Variants in MCPH1 observed in about 807,000 individuals in gnomAD.
MCPH1 encodes the protein microcephalin.
Under a neutral mutation model 84.5 loss-of-function variants are expected in MCPH1, and 104 were observed. That is an observed-to-expected ratio of 1.23 (90% CI 1.05 to 1.45). The LOEUF (loss-of-function observed/expected upper bound fraction) is 1.45. MCPH1 is among the 40% of genes most tolerant of loss of function. The pLI is 0.00. For synonymous variants in MCPH1, 514 were observed against 366.8 expected (o/e 1.40, Z -4.58); for missense variants, 1,498 against 1,005.7 (o/e 1.49, Z -6.62).
At chr8:6,466,945 C>G (rs919307823) in intron 9 of MCPH1, among the ~76,000 whole-genome samples, 1 of 152,140 alleles carries the variant, frequency 6.6e-6, no homozygotes, top group Non-Finnish European at 1.5e-5. Context: ...AAGTTATTGC[C>G]TTCCAAATAA....
intron 3 of MCPH1, among the ~76,000 whole-genome samples, chr8:6,425,772 C>T (rs1032378661): frequency 1.3e-5 from 2 of 152,152 alleles, no homozygotes; most frequent in Admixed American, 1.3e-4. Flanking sequence ...CTGTGTTGTG[C>T]AATAGGAGGC....
chr8:6,519,155 C>T (rs944225468), intron 12 of MCPH1, among the ~76,000 whole-genome samples: 4 of 152,242 alleles, frequency 2.6e-5, no homozygotes, highest in Non-Finnish European at 4.4e-5. Context: ...TTCCAGACTG[C>T]GTTAGATGAG....
At chr8:6,533,368 C>T (rs1819894814) in intron 12 of MCPH1, among the ~76,000 whole-genome samples, 1 of 152,122 alleles carries the variant, frequency 6.6e-6, no homozygotes, top group South Asian at 2.1e-4. Context: ...GTGGGAAGAG[C>T]CTTTGGGCTT....
chr8:6,428,642 C>T (rs565912167), intron 3 of MCPH1, among the ~76,000 whole-genome samples: 36 of 152,320 alleles, frequency 2.4e-4, no homozygotes, highest in Middle Eastern at 3.4e-3. Context: ...TGGCTTCTTT[C>T]TCTTAGCATA....
chr8:6,585,235 C>G (rs564936715), intron 12 of MCPH1, among the ~76,000 whole-genome samples: 2 of 152,206 alleles, frequency 1.3e-5, no homozygotes, highest in African/African-American at 2.4e-5. Context: ...GAGCTGGGGT[C>G]TCACTAGTGC....
intron 12 of MCPH1, among the ~76,000 whole-genome samples, chr8:6,565,920 C>T (rs962148291): frequency 6.6e-6 from 1 of 152,152 alleles, no homozygotes; most frequent in African/African-American, 2.4e-5. Flanking sequence ...TTTGTAGATT[C>T]CTAAATGGAA....
chr8:6,549,530 A>G (rs1471040609), intron 12 of MCPH1, among the ~76,000 whole-genome samples: 1 of 151,934 alleles, frequency 6.6e-6, no homozygotes, highest in African/African-American at 2.4e-5. Flanking sequence ...GTCATTACAC[A>G]GGTGCGCACA....
intron 5 of MCPH1, among the ~76,000 whole-genome samples, chr8:6,436,590 G>T (rs887734153): frequency 7.3e-5 from 11 of 151,586 alleles, no homozygotes; most frequent in African/African-American, 2.7e-4. Flanking sequence ...AAATACTTTA[G>T]AATATTATGT....
Position 6,521,284 on chromosome 8 carries a change from T to C in MCPH1, c.2214+21355T>C, listed in dbSNP as rs201190442. ...TCACCGTGGCAGTCACTATTTTTTT[T>C]TCTAGTTCTTCAATGATGGAATTTT... On this transcript the variant is annotated intron_variant, in intron 12 of 13. Transcript: ENST00000344683. 206 of 1,613,826 alleles carry C rather than the reference T, an allele frequency of 1.3e-4. 1 individual carries two copies. The highest frequency in any genetic ancestry group is 1.6e-4 in the Non-Finnish European group (190 of 1,179,948).
At position 6,478,117 on chromosome 8, in the gene MCPH1, A is replaced by G. The variant is rs994468798; in HGVS notation, c.1973+486A>G. On this transcript the variant is annotated intron_variant, in intron 10 of 13. Transcript: ENST00000344683. ...AAAAATACAGTGCTATATTCTTTGC[A>G]ACAGATTTTTGAATTCCTGTTTAAA... 3.7e-4 allele frequency among the ~76,000 whole-genome samples: 56 copies of G among 152,346 alleles called. 1 individual carries two copies. Among genetic ancestry groups the G allele is most frequent in the African/African-American group, 1.3e-3 (53 of 41,580 alleles).
chr8:6,532,850 G>A (rs1053723742), intron 12 of MCPH1, among the ~76,000 whole-genome samples: 2 of 152,194 alleles, frequency 1.3e-5, no homozygotes, highest in Non-Finnish European at 2.9e-5. Context: ...CTACCCAGCT[G>A]CAACTCTGAC....
At chr8:6,610,077 G>C (rs564618403) in intron 12 of MCPH1, among the ~76,000 whole-genome samples, 1 of 152,190 alleles carries the variant, frequency 6.6e-6, no homozygotes, top group African/African-American at 2.4e-5. Context: ...AGAGCCGTAA[G>C]GACCCTCTAA....
At chr8:6,441,939 C>T in intron 6 of MCPH1, 128 bp from the exon 7 acceptor site, 1 of 685,684 alleles carries the variant, frequency 1.5e-6, no homozygotes, top group Non-Finnish European at 2.6e-6. Context: ...ACTTTAAGAT[C>T]CCTTCTAACT....
Position 6,430,253 on chromosome 8 carries a change from A to C in MCPH1, c.234-1246A>C, listed in dbSNP as rs768208930. Among the ~76,000 whole-genome samples the C allele has an allele frequency of 6.6e-5, 10 of 152,248 alleles. No individual in the cohort carries two copies. The South Asian group carries it at 1.2e-3, about 19-fold the overall frequency. ...TTTTTAAATTTGTACATTTTTGCAG[A>C]TTTCTCTGATGCCTGGCTTAATAGA... On this transcript the variant is annotated intron_variant, in intron 3 of 13. Transcript: ENST00000344683.
At chr8:6,430,782 G>T (rs1801728915) in intron 3 of MCPH1, among the ~76,000 whole-genome samples, 1 of 152,166 alleles carries the variant, frequency 6.6e-6, no homozygotes, top group African/African-American at 2.4e-5. Context: ...TTTTATCTAG[G>T]TTGGGAAGAA....
At chr8:6,421,703 T>C (rs11994936) in intron 3 of MCPH1, among the ~76,000 whole-genome samples, 5,891 of 152,308 alleles carry the variant, frequency 0.039, 321 homozygotes, top group African/African-American at 0.13. Flanking sequence ...TTGGATCCTG[T>C]GGCAGAGACC....
chr8:6,468,415 C>G (rs1807267074), intron 9 of MCPH1, among the ~76,000 whole-genome samples: 1 of 152,110 alleles, frequency 6.6e-6, no homozygotes, highest in South Asian at 2.1e-4. Flanking sequence ...CCTGGCCAGC[C>G]CCTCTTCTTG....
chr8:6,592,775 C>A (rs569849682), intron 12 of MCPH1, among the ~76,000 whole-genome samples: 1 of 151,432 alleles, frequency 6.6e-6, no homozygotes, highest in Admixed American at 6.6e-5. Context: ...CAACCTCAGC[C>A]TCCTGGGTAG....
chr8:6,576,756 C>G (rs1262209887), intron 12 of MCPH1, among the ~76,000 whole-genome samples: 1 of 118,688 alleles, frequency 8.4e-6, no homozygotes, highest in African/African-American at 3.1e-5. Context: ...CCATATTGGT[C>G]AGGGTGGTCT....
Sources: gnomAD v4.1 joint callset for allele counts (sites outside exome capture counted in the v4.1 genomes callset) on GRCh38, gnomAD v4.1.1 for gene constraint, MANE v1.5 for transcripts, NCBI Gene and HGNC (gene_info 2026-07-23, HGNC 2026-07-21) for gene names.